The following NT5DC1 variants were observed in gnomAD, a reference collection of about 807,000 sequenced individuals.
NT5DC1 encodes 5'-nucleotidase domain-containing protein 1.
A neutral mutation model predicts 59.4 loss-of-function variants in NT5DC1; 42 were observed. The ratio of observed to expected loss-of-function variants is 0.71; its 90% CI spans 0.55 to 0.92. The LOEUF is 0.92. Ranked by LOEUF, NT5DC1 falls within the 40% of genes least tolerant of loss-of-function variation. The pLI, the probability that NT5DC1 is intolerant of heterozygous loss-of-function variation, is 0.00. For missense variants in NT5DC1, 501 were observed against 537.1 expected, an observed-to-expected ratio of 0.93 and a Z score of 0.66; for synonymous variants, 172 against 188.1, an observed-to-expected ratio of 0.91 and a Z score of 0.70.
intron 6 of NT5DC1, among the ~76,000 whole-genome samples, chr6:116,191,487 A>G (rs1031509649): frequency 6.6e-6 from 1 of 152,040 alleles, no homozygotes; most frequent in South Asian, 2.1e-4. Flanking sequence ...CTTCATAAAT[A>G]TTTACTGATA....
intron 6 of NT5DC1, among the ~76,000 whole-genome samples, chr6:116,206,990 T>C (rs1000049843): frequency 2.8e-4 from 43 of 151,916 alleles, no homozygotes; most frequent in African/African-American, 1.0e-3. Flanking sequence ...TGGATTTATA[T>C]TGACATCTTT....
At position 116,114,539 on chromosome 6, in the gene NT5DC1, G is replaced by T. The variant is rs900418574; in HGVS notation, c.365-1152G>T. Among the ~76,000 whole-genome samples, 104 of 142,212 alleles carry T rather than the reference G, an allele frequency of 7.3e-4. 5 individuals carry two copies. The highest frequency in any genetic ancestry group is 2.1e-3 in the African/African-American group (82 of 38,472). 93.3% of individuals were successfully genotyped at this position (142,212 alleles called of 152,430 possible). ...ACATAGCTTGCAAATTGGGGGGAGG[G>T]GGGGGGAGTCAAAATCAGGTGATTA... On this transcript the variant is annotated intron_variant, in intron 4 of 11. Coordinates refer to ENST00000319550, the MANE Select transcript of NT5DC1 (RefSeq NM_152729.3).
chr6:116,125,738 C>T, intron 6 of NT5DC1: 1 of 342,278 alleles, frequency 2.9e-6, no homozygotes, highest in Non-Finnish European at 5.4e-6. Flanking sequence ...AAATGATTTA[C>T]CTAAAGGAAA....
At chr6:116,166,783 A>G (rs1251115364) in intron 6 of NT5DC1, among the ~76,000 whole-genome samples, 1 of 152,228 alleles carries the variant, frequency 6.6e-6, no homozygotes, top group Non-Finnish European at 1.5e-5. Context: ...TATGTAAGAG[A>G]TAAAAATGGT....
chr6:116,168,662 TTGAG>T (rs1780535410), intron 6 of NT5DC1, among the ~76,000 whole-genome samples: 1 of 152,174 alleles, frequency 6.6e-6, no homozygotes, highest in South Asian at 2.1e-4. Context: ...TATTGTCTCC[TTGAG>T]TATCTGATAA....
chr6:116,104,688 A>C (rs2114896738), intron 1 of NT5DC1, among the ~76,000 whole-genome samples: 1 of 152,178 alleles, frequency 6.6e-6, no homozygotes, highest in Admixed American at 6.5e-5. Context: ...CAAATACTTA[A>C]ATTGGATTTG....
intron 6 of NT5DC1, among the ~76,000 whole-genome samples, chr6:116,199,213 A>G (rs1781296951): frequency 1.3e-5 from 2 of 152,104 alleles, no homozygotes; most frequent in South Asian, 2.1e-4. Context: ...TAGATAGACA[A>G]GAGAGTTTGT....
chr6:116,153,567 G>A (rs145351733), intron 6 of NT5DC1, among the ~76,000 whole-genome samples: 22 of 152,192 alleles, frequency 1.4e-4, no homozygotes, highest in African/African-American at 4.6e-4. Flanking sequence ...AAGTACCTCT[G>A]TTAGGTACTT....
At chr6:116,207,559 T>G (rs1781483080) in intron 6 of NT5DC1, among the ~76,000 whole-genome samples, 1 of 151,986 alleles carries the variant, frequency 6.6e-6, no homozygotes, top group Non-Finnish European at 1.5e-5. Context: ...TGATTGTATT[T>G]TATTATGATT....
chr6:116,216,635 GATTT>G (rs912236580), intron 6 of NT5DC1, among the ~76,000 whole-genome samples: 5 of 151,568 alleles, frequency 3.3e-5, no homozygotes, highest in East Asian at 1.9e-4. Flanking sequence ...AGATATTCTA[GATTT>G]ATTTATTTAA....
intron 6 of NT5DC1, among the ~76,000 whole-genome samples, chr6:116,133,101 A>G (rs952808833): frequency 2.0e-5 from 3 of 152,292 alleles, no homozygotes; most frequent in African/African-American, 7.2e-5. Flanking sequence ...GTTTTCCGTT[A>G]TACACAAATT....
intron 6 of NT5DC1, among the ~76,000 whole-genome samples, chr6:116,178,997 A>G (rs572581541): frequency 6.6e-6 from 1 of 152,342 alleles, no homozygotes; most frequent in South Asian, 2.1e-4. Flanking sequence ...CCTCATCTTC[A>G]TAGTTATACA....
chr6:116,115,130 G>A (rs1778941223), intron 4 of NT5DC1, among the ~76,000 whole-genome samples: 2 of 152,116 alleles, frequency 1.3e-5, no homozygotes, highest in African/African-American at 2.4e-5. Context: ...ACGAAATCTT[G>A]GAATATACCT....
intron 6 of NT5DC1, among the ~76,000 whole-genome samples, chr6:116,168,605 C>T (rs537669236): frequency 8.6e-5 from 13 of 151,972 alleles, no homozygotes; most frequent in South Asian, 2.1e-4. Context: ...CTGGTTCTGT[C>T]GTGTATTTTC....
chr6:116,117,922 A>G lies in NT5DC1; in HGVS notation c.506A>G (p.Asn169Ser), dbSNP rs777855455. The change falls in exon 6 of 12, where the codon AAT becomes AGT. Residue 169 changes from asparagine (N) to serine (S), a missense_variant. Asn to Ser is a conservative substitution (Grantham distance 46). Coordinates refer to ENST00000319550, the MANE Select transcript of NT5DC1 (RefSeq NM_152729.3). ...WKDIVAAIQH[N>S]YKMSAFKENC... ...GATATAGTTGCTGCTATACAACACA[A>G]TTATAAAATGTCAGCTTTTAAGGGT... 48 of 1,569,764 alleles carry G rather than the reference A, an allele frequency of 3.1e-5. No individual in the cohort carries two copies. The East Asian group carries it at 1.1e-3, about 34-fold the overall frequency.
At chr6:116,241,598 A>G (rs2114565399) in intron 11 of NT5DC1, among the ~76,000 whole-genome samples, 1 of 152,338 alleles carries the variant, frequency 6.6e-6, no homozygotes, top group East Asian at 1.9e-4. Flanking sequence ...TAAGAATCTA[A>G]AAGAAAACAA....
Position 116,233,212 on chromosome 6 carries a change from A to T in NT5DC1, c.803-3754A>T, listed in dbSNP as rs910758306. Among the ~76,000 whole-genome samples the T allele has an allele frequency of 7.2e-5, 11 of 152,334 alleles. 1 individual carries two copies. Among genetic ancestry groups the T allele is most frequent in the Admixed American group, 6.5e-4 (10 of 15,294 alleles). On this transcript the variant is annotated intron_variant, in intron 8 of 11. Transcript: ENST00000319550. ...TAAGATTGCTTTAATTAAAGCTGGGACAGTGGAATTTTAGGAAAGTAATAC... is the reference window on the plus strand; with the variant it reads ...TAAGATTGCTTTAATTAAAGCTGGGTCAGTGGAATTTTAGGAAAGTAATAC...
intron 6 of NT5DC1, among the ~76,000 whole-genome samples, chr6:116,182,545 C>G (rs1320680616): frequency 2.6e-5 from 4 of 151,936 alleles, no homozygotes; most frequent in Non-Finnish European, 5.9e-5. Flanking sequence ...CACGCCAACA[C>G]CTATTTTTTT....
In NT5DC1 at chr6:116,125,274, A is replaced by C. The variant is rs1039586029; in HGVS notation, c.529+7329A>C. 7 of 1,558,760 alleles carry C rather than the reference A, an allele frequency of 4.5e-6. No individual in the cohort carries two copies. In the African/African-American group the frequency reaches 8.2e-5, roughly 18 times the overall value. On this transcript the variant is annotated intron_variant, in intron 6 of 11. Transcript: ENST00000319550. ...AAGTTAAATGCATTTTGTTAAAGAG[A>C]TTATTAAGATTATAGAAAGCAACAA...
Sources: gnomAD v4.1 joint callset for allele counts (sites outside exome capture counted in the v4.1 genomes callset) on GRCh38, gnomAD v4.1.1 for gene constraint, MANE v1.5 for transcripts, NCBI Gene and HGNC (gene_info 2026-07-23, HGNC 2026-07-21) for gene names.